Variants in RAPGEF4 observed in about 807,000 individuals in gnomAD.
RAPGEF4 encodes the protein RAP guanine-nucleotide-exchange factor (GEF) 4.
Under a neutral mutation model 147.9 loss-of-function variants are expected in RAPGEF4, and 66 were observed. The observed-to-expected ratio is 0.45, with a 90% CI of 0.37 to 0.55. The LOEUF (loss-of-function observed/expected upper bound fraction) is 0.55, where lower values mean the gene tolerates loss of function less well. RAPGEF4 is among the 20% of genes least tolerant of loss of function. The probability of loss-of-function intolerance (pLI) is 0.00; values close to 1 mark genes in which losing one functional copy is unlikely to be tolerated. For missense variants in RAPGEF4, 1,071 were observed against 1,257.3 expected (o/e 0.85, Z 2.24); for synonymous variants, 419 against 442.7 (o/e 0.95, Z 0.67).
At chr2:172,843,481 C>T (rs2149710421) in intron 4 of RAPGEF4, among the ~76,000 whole-genome samples, 1 of 152,158 alleles carries the variant, frequency 6.6e-6, no homozygotes, top group East Asian at 1.9e-4. Context: ...AGATTTTCTT[C>T]AAAATGTAAT....
chr2:172,781,194 C>T (rs1267239581), intron 1 of RAPGEF4, among the ~76,000 whole-genome samples: 1 of 152,106 alleles, frequency 6.6e-6, no homozygotes, highest in African/African-American at 2.4e-5. Flanking sequence ...TGAAGAATAA[C>T]AATATTCATA....
chr2:172,948,350 T>G (rs977033559), intron 6 of RAPGEF4, among the ~76,000 whole-genome samples: 4 of 152,234 alleles, frequency 2.6e-5, no homozygotes, highest in Non-Finnish European at 5.9e-5. Context: ...TCTGAAATTA[T>G]AAGCACAATT....
At chr2:172,988,601 GT>G in intron 13 of RAPGEF4, 91 bp from the exon 14 acceptor site, 2 of 1,408,742 alleles carry the variant, frequency 1.4e-6, no homozygotes, top group Non-Finnish European at 9.8e-7. Context: ...TATCTACAAT[GT>G]TTTAGGGGCT....
In RAPGEF4 at chr2:173,030,146, G is replaced by T. The variant is rs543451897; in HGVS notation, c.2559-18G>T. On this transcript the variant is annotated intron_variant, in intron 25 of 30. Coordinates refer to ENST00000397081, the MANE Select transcript of RAPGEF4 (RefSeq NM_007023.4). ...CAGAAGTAACATTTTACTCAAACAC[G>T]CATCTCCTGTGTTTCAGCTGTAAGG... 6 of 1,530,298 alleles carry T rather than the reference G, an allele frequency of 3.9e-6. No individual in the cohort carries two copies. The Admixed American group carries it at 8.4e-5, about 21-fold the overall frequency. The allele number at this position is 1,530,298 out of a possible 1,614,324, so 94.8% of individuals were successfully genotyped here.
chr2:172,993,477 A>G (rs996359831), intron 15 of RAPGEF4, among the ~76,000 whole-genome samples: 1 of 152,186 alleles, frequency 6.6e-6, no homozygotes, highest in Admixed American at 6.6e-5. Flanking sequence ...CCTCATTTGC[A>G]GAAAAATATT....
At chr2:172,990,606 G>A (rs1486973127) in intron 14 of RAPGEF4, among the ~76,000 whole-genome samples, 1 of 152,144 alleles carries the variant, frequency 6.6e-6, no homozygotes, top group Non-Finnish European at 1.5e-5. Flanking sequence ...TGAAGCTAGG[G>A]TAAAAGCAGT....
chr2:172,799,893 G>T (rs937167458), intron 3 of RAPGEF4, among the ~76,000 whole-genome samples: 2 of 152,132 alleles, frequency 1.3e-5, no homozygotes, highest in African/African-American at 4.8e-5. Flanking sequence ...GATTTTGATG[G>T]TATTAAAATA....
At chr2:172,966,495 C>G (rs1389801592) in intron 9 of RAPGEF4, among the ~76,000 whole-genome samples, 1 of 152,082 alleles carries the variant, frequency 6.6e-6, no homozygotes, top group Non-Finnish European at 1.5e-5. Flanking sequence ...CAGGAATCGC[C>G]CTTTGAGCAG....
chr2:172,891,839 C>A (rs551144027), intron 4 of RAPGEF4, among the ~76,000 whole-genome samples: 1 of 152,280 alleles, frequency 6.6e-6, no homozygotes, highest in East Asian at 1.9e-4. Context: ...GACTAATGCA[C>A]ATTTGCTGTC....
intron 6 of RAPGEF4, among the ~76,000 whole-genome samples, chr2:172,959,955 C>T (rs181537801): frequency 6.6e-6 from 1 of 152,030 alleles, no homozygotes; most frequent in African/African-American, 2.4e-5. Context: ...TATGGTGGTG[C>T]AAGCCTGTAG....
intron 5 of RAPGEF4, 199 bp downstream of exon 5, chr2:172,918,073 T>C: frequency 1.4e-6 from 1 of 733,300 alleles, no homozygotes; most frequent in Non-Finnish European, 2.5e-6. Flanking sequence ...TCTTAGCTGA[T>C]AGAGAGAGGT....
rs190298619 is a variant in RAPGEF4 at position 172,998,476 on chromosome 2, G to A, written c.1579+1922G>A. On this transcript the variant is annotated intron_variant, in intron 16 of 30. Coordinates refer to ENST00000397081, the MANE Select transcript of RAPGEF4 (RefSeq NM_007023.4). ...TGCCTGTAATCCCAGCACTTTGGGG[G>A]CCAAGGCGGGAGGATCACTGGAGCC... 6.2e-3 allele frequency among the ~76,000 whole-genome samples: 946 copies of A among 152,314 alleles called. 8 individuals carry two copies. Among genetic ancestry groups the A allele is most frequent in the Middle Eastern group, 0.024 (7 of 294 alleles).
chr2:173,017,133 A>C (rs1220739175), intron 19 of RAPGEF4, 41 bp from the exon 20 acceptor site: 3 of 1,585,794 alleles, frequency 1.9e-6, no homozygotes. Flanking sequence ...ATTTAATAGT[A>C]GCAATGGTAT....
Position 172,925,777 on chromosome 2 carries a change from A to AAGAGAGAGAGAGAGAGAGAG in RAPGEF4, c.537+3479_537+3498dup, listed in dbSNP as rs67773579. Among the ~76,000 whole-genome samples the AAGAGAGAGAGAGAGAGAGAG allele has an allele frequency of 5.7e-3, 767 of 133,846 alleles. 1 individual carries two copies. The highest frequency in any genetic ancestry group is 0.015 in the South Asian group (58 of 3,856). The allele number at this position is 133,846 out of a possible 152,430, so 87.8% of individuals were successfully genotyped here. On this transcript the variant is annotated intron_variant, in intron 6 of 30. Transcript: ENST00000397081. ...AAAGAGAGAAAGGAAGAAAGAAAGA[A>AAGAGAGAGAGAGAGAGAGAG]AGAGAGAGAGAGAGAGAGAGAAAGA... is the stretch of plus-strand genomic sequence containing the variant.
At chr2:173,014,200 C>T (rs1695291182) in intron 17 of RAPGEF4, among the ~76,000 whole-genome samples, 3 of 152,142 alleles carry the variant, frequency 2.0e-5, no homozygotes, top group Non-Finnish European at 4.4e-5. Context: ...CACAAGAATC[C>T]TTGTCCACAC....
intron 6 of RAPGEF4, among the ~76,000 whole-genome samples, chr2:172,935,251 T>C (rs573504691): frequency 6.6e-6 from 1 of 152,308 alleles, no homozygotes; most frequent in South Asian, 2.1e-4. Flanking sequence ...CCGAGGGCTC[T>C]ACCTCTTATT....
intron 2 of RAPGEF4, among the ~76,000 whole-genome samples, chr2:172,796,567 G>A (rs545776448): frequency 1.8e-4 from 28 of 152,196 alleles, no homozygotes; most frequent in Non-Finnish European, 1.3e-4. Flanking sequence ...GCTACTCTAG[G>A]CTGGAGTGCA....
intron 10 of RAPGEF4, among the ~76,000 whole-genome samples, chr2:172,972,183 C>G (rs1247335295): frequency 2.6e-5 from 4 of 152,134 alleles, no homozygotes; most frequent in Non-Finnish European, 5.9e-5. Flanking sequence ...TGCTGCTGTT[C>G]GATTCCACAC....
At chr2:172,873,994 T>C (rs1695557829) in intron 4 of RAPGEF4, among the ~76,000 whole-genome samples, 1 of 152,068 alleles carries the variant, frequency 6.6e-6, no homozygotes, top group Non-Finnish European at 1.5e-5. Context: ...AAAACCACAA[T>C]GAGATACCGT....
Sources: allele counts gnomAD v4.1 joint callset (sites outside exome capture counted in the v4.1 genomes callset), GRCh38; gene constraint gnomAD v4.1.1; transcripts MANE v1.5; gene names NCBI Gene and HGNC (gene_info 2026-07-23, HGNC 2026-07-21).